The following EYS variants were observed in gnomAD, a reference collection of about 807,000 sequenced individuals.
EYS encodes the protein EGF-like photoreceptor maintenance factor.
A neutral mutation model predicts 282.1 loss-of-function variants in EYS; 250 were observed. That is an observed-to-expected ratio of 0.89 (90% CI 0.80 to 0.98). The LOEUF (loss-of-function observed/expected upper bound fraction) is 0.98, where lower values mean the gene tolerates loss of function less well. EYS is among the 50% of genes least tolerant of loss of function. The pLI, the probability that EYS is intolerant of heterozygous loss-of-function variation, is 0.00. For synonymous variants in EYS, 1,355 were observed against 1,282.9 expected (o/e 1.06, Z -1.20); for missense variants, 4,016 against 3,709.0 (o/e 1.08, Z -2.15).
At chr6:65,638,569 C>T (rs1767170035) in intron 2 of EYS, among the ~76,000 whole-genome samples, 1 of 152,218 alleles carries the variant, frequency 6.6e-6, no homozygotes, top group Non-Finnish European at 1.5e-5. Flanking sequence ...GTCCCCTCAT[C>T]CAGACACAGG....
At chr6:64,352,263 C>T (rs1561946381) in intron 29 of EYS, among the ~76,000 whole-genome samples, 1 of 151,504 alleles carries the variant, frequency 6.6e-6, no homozygotes, top group Non-Finnish European at 1.5e-5. Context: ...AACCTCTGAA[C>T]TCTATTATTT....
intron 14 of EYS, among the ~76,000 whole-genome samples, chr6:64,984,326 C>T (rs1250792970): frequency 6.6e-6 from 1 of 151,278 alleles, no homozygotes; most frequent in Non-Finnish European, 1.5e-5. Flanking sequence ...AAACTATCAA[C>T]TGAAAACTAA....
At chr6:64,861,610 C>T (rs1766241741) in intron 19 of EYS, among the ~76,000 whole-genome samples, 1 of 152,152 alleles carries the variant, frequency 6.6e-6, no homozygotes, top group Admixed American at 6.5e-5. Context: ...CCTGCCATCT[C>T]AGAAAAGGGC....
intron 2 of EYS, among the ~76,000 whole-genome samples, chr6:65,565,736 G>A (rs765863520): frequency 3.9e-5 from 6 of 151,926 alleles, no homozygotes; most frequent in African/African-American, 9.7e-5. Context: ...AAGAAAATGC[G>A]GCACATATAC....
intron 11 of EYS, chr6:65,331,810 C>A: frequency 1.4e-6 from 1 of 709,068 alleles, no homozygotes; most frequent in South Asian, 6.4e-5. Flanking sequence ...AATGTTTATT[C>A]GTATTGAAGC....
At chr6:64,879,332 G>T (rs949495385) in intron 19 of EYS, among the ~76,000 whole-genome samples, 1 of 151,972 alleles carries the variant, frequency 6.6e-6, no homozygotes, top group Non-Finnish European at 1.5e-5. Flanking sequence ...AGATTTTTCA[G>T]TTAGCATTTT....
chr6:63,720,979 A>G lies in EYS; in HGVS notation c.9052T>C (p.Leu3018=). The change falls in exon 43 of 43, where the codon TTG becomes CTG. Residue 3018 remains leucine (L), a synonymous_variant. Coordinates refer to ENST00000503581, the MANE Select transcript of EYS (RefSeq NM_001142800.2). ...FLAIGLHNQT[L]KIAVNLGERI... Reference sequence around the variant, plus strand: ...TCTCCCAAGTTAACTGCTATTTTCAAGGTCTGATTATGGAGACCAATTGCC... The same window carrying G: ...TCTCCCAAGTTAACTGCTATTTTCAGGGTCTGATTATGGAGACCAATTGCC... 1 of 1,551,394 alleles carries G rather than the reference A, an allele frequency of 6.4e-7. No individual in the cohort carries two copies. Among genetic ancestry groups the G allele is most frequent in the Non-Finnish European group, 8.7e-7 (1 of 1,146,800 alleles).
At chr6:63,944,452 T>G (rs1377370857) in intron 35 of EYS, among the ~76,000 whole-genome samples, 3 of 152,220 alleles carry the variant, frequency 2.0e-5, no homozygotes, top group African/African-American at 4.8e-5. Context: ...ATTAAAAACA[T>G]TATTTAAAAA....
intron 28 of EYS, among the ~76,000 whole-genome samples, chr6:64,395,045 T>A (rs1206019442): frequency 1.3e-5 from 2 of 152,188 alleles, no homozygotes; most frequent in Non-Finnish European, 2.9e-5. Flanking sequence ...TCATCATCAC[T>A]GGCCATCAGA....
At chr6:64,425,971 G>A (rs954494584) in intron 28 of EYS, among the ~76,000 whole-genome samples, 3 of 151,922 alleles carry the variant, frequency 2.0e-5, no homozygotes, top group Non-Finnish European at 4.4e-5. Context: ...TACAGATGAG[G>A]CATACAAGAG....
At chr6:64,578,581 C>A (rs79192892) in intron 26 of EYS, among the ~76,000 whole-genome samples, 2,415 of 150,192 alleles carry the variant, frequency 0.016, 61 homozygotes, top group African/African-American at 0.057. Context: ...TTATCACATT[C>A]TCTTTCTCTC....
At chr6:63,932,613 T>G (rs1036763936) in intron 35 of EYS, among the ~76,000 whole-genome samples, 1 of 152,208 alleles carries the variant, frequency 6.6e-6, no homozygotes, top group Non-Finnish European at 1.5e-5. Flanking sequence ...TTCCTAGTTC[T>G]GATTCTAGTA....
At chr6:65,459,994 A>G (rs1008417442) in intron 5 of EYS, among the ~76,000 whole-genome samples, 5 of 136,110 alleles carry the variant, frequency 3.7e-5, no homozygotes, top group Non-Finnish European at 7.9e-5. Context: ...ATATATATAT[A>G]TATATATATA....
intron 28 of EYS, among the ~76,000 whole-genome samples, chr6:64,413,693 T>C (rs1346619170): frequency 6.6e-6 from 1 of 152,142 alleles, no homozygotes; most frequent in Non-Finnish European, 1.5e-5. Context: ...GGGACTAAGA[T>C]ACTAGTACTG....
At chr6:64,662,364 C>A (rs1769068099) in intron 22 of EYS, among the ~76,000 whole-genome samples, 1 of 151,834 alleles carries the variant, frequency 6.6e-6, no homozygotes, top group African/African-American at 2.4e-5. Context: ...GCACATGTAC[C>A]CTAAAACTTA....
chr6:64,624,819 G>C (rs530824064), intron 23 of EYS, among the ~76,000 whole-genome samples: 2 of 152,096 alleles, frequency 1.3e-5, no homozygotes, highest in African/African-American at 4.8e-5. Context: ...CAGAACCCTA[G>C]GGTTTCCATA....
At chr6:65,605,734 T>C (rs1207130222) in intron 2 of EYS, among the ~76,000 whole-genome samples, 4 of 151,850 alleles carry the variant, frequency 2.6e-5, no homozygotes, top group Middle Eastern at 3.2e-3. Context: ...TTTATATTTA[T>C]GGACATAAAA....
At chr6:65,296,205 AAC>A (rs1562078942) in intron 11 of EYS, 86 bp from the exon 12 acceptor site, 4 of 1,245,308 alleles carry the variant, frequency 3.2e-6, no homozygotes, top group African/African-American at 3.1e-5. Flanking sequence ...TTTATTTAAA[AAC>A]ACAGAAATAA....
chr6:65,640,591 G>C (rs1767244337), intron 1 of EYS, among the ~76,000 whole-genome samples: 1 of 152,088 alleles, frequency 6.6e-6, no homozygotes, highest in Admixed American at 6.6e-5. Context: ...AAGGTTGGGA[G>C]TTTTGCTGTT....
Sources: allele counts gnomAD v4.1 joint callset (sites outside exome capture counted in the v4.1 genomes callset), GRCh38; gene constraint gnomAD v4.1.1; transcripts MANE v1.5; gene names NCBI Gene and HGNC (gene_info 2026-07-23, HGNC 2026-07-21).